The following RSRP1 variants were observed in gnomAD, a reference collection of about 807,000 sequenced individuals.
The protein encoded by RSRP1 is arginine and serine rich protein 1.
A neutral mutation model predicts 33.0 loss-of-function variants in RSRP1; 37 were observed. The ratio of observed to expected loss-of-function variants is 1.12; its 90% CI spans 0.86 to 1.48. The LOEUF (loss-of-function observed/expected upper bound fraction) is 1.48, where lower values mean the gene tolerates loss of function less well. Among genes scored for constraint, RSRP1 ranks in the 40% most tolerant of loss-of-function variants. RSRP1 has a pLI of 0.00. For missense variants in RSRP1, 402 were observed against 385.3 expected (o/e 1.04, Z -0.36); for synonymous variants, 167 against 158.7 (o/e 1.05, Z -0.40).
chr1:25,299,515 C>T lies in RSRP1; in HGVS notation c.-67+38463G>A, dbSNP rs1161827577. ...GGGTGGACTACTCCCTCCACCCTGCCCTTGTTACACCCTGGCTGGGGGTCA... is the reference window on the plus strand; with the variant it reads ...GGGTGGACTACTCCCTCCACCCTGCTCTTGTTACACCCTGGCTGGGGGTCA... On this transcript the variant is annotated intron_variant, in intron 1 of 1. Coordinates refer to the RSRP1 transcript ENST00000561867. Among the ~76,000 whole-genome samples the T allele has an allele frequency of 9.9e-5, 13 of 131,730 alleles. 2 individuals carry two copies. Among genetic ancestry groups the T allele is most frequent in the Non-Finnish European group, 2.0e-4 (11 of 55,754 alleles). The allele number at this position is 131,730 out of a possible 152,430, so 86.4% of individuals were successfully genotyped here.
At position 25,246,571 on chromosome 1, in the gene RSRP1, G is replaced by T. The variant is rs766483226; in HGVS notation, c.393C>A (p.Tyr131Ter). 12 of 1,614,222 alleles carry T rather than the reference G, an allele frequency of 7.4e-6. 1 individual carries two copies. The South Asian group carries it at 1.2e-4, about 16-fold the overall frequency. Reference sequence around the variant, plus strand: ...AGTAGCGCTGTCCCCGCGCGATCGCGTACGCCCTTCCGCAGTACGACCTTC... The same window carrying T: ...AGTAGCGCTGTCCCCGCGCGATCGCTTACGCCCTTCCGCAGTACGACCTTC... ...SRGRSYCGRA[Y>*]AIARGQRYYG... Residue 131 changes from tyrosine (Y) to a stop codon, truncating the protein, a stop_gained, in exon 2 of 5, where the codon TAC becomes TAA. Coordinates refer to ENST00000243189, the MANE Select transcript of RSRP1 (RefSeq NM_020317.5). LOFTEE classifies it high-confidence loss of function.
At chr1:25,252,770 G>C (rs573960768) in intron 1 of RSRP1, among the ~76,000 whole-genome samples, 48 of 152,060 alleles carry the variant, frequency 3.2e-4, no homozygotes, top group Non-Finnish European at 5.9e-4. Context: ...TCTGACCTCA[G>C]GTGATCCGCC....
intron 1 of RSRP1, chr1:25,306,998 G>C: frequency 2.5e-6 from 1 of 407,534 alleles, no homozygotes; most frequent in Non-Finnish European, 5.0e-6. Context: ...CACAAACACA[G>C]AGCAGGTCAA....
rs1160426220 is a variant in RSRP1 at position 25,246,854 on chromosome 1, C to A, written c.110G>T (p.Arg37Leu). 12 of 1,612,606 alleles carry A rather than the reference C, an allele frequency of 7.4e-6. No individual in the cohort carries two copies. The highest frequency in any genetic ancestry group is 4.5e-5 in the East Asian group (2 of 44,880). ...GGACCGAGAGCTTCTGGAAAAAGAG[C>A]GGCTCCTAGACCGCGACGACAGCCG... Reference protein sequence around the residue: ...SSRLSSRSRSRSFSRSSRSHS... With the variant: ...SSRLSSRSRSLSFSRSSRSHS... Residue 37 changes from arginine (R) to leucine (L), a missense_variant, in exon 2 of 5, where the codon CGC becomes CTC. By Grantham distance (102) the Arg-to-Leu change is moderately radical. Coordinates refer to ENST00000243189, the MANE Select transcript of RSRP1 (RefSeq NM_020317.5).
chr1:25,287,476 C>CCTT (rs1642133241), intron 1 of RSRP1, among the ~76,000 whole-genome samples: 1 of 135,094 alleles, frequency 7.4e-6, no homozygotes, highest in African/African-American at 2.6e-5. Context: ...CTGACCGGTT[C>CCTT]CCGTCAGGGC....
chr1:25,282,428 T>A (rs1641568583), intron 1 of RSRP1, among the ~76,000 whole-genome samples: 1 of 129,878 alleles, frequency 7.7e-6, no homozygotes, highest in South Asian at 2.4e-4. Flanking sequence ...AGAGACGGGG[T>A]TTCACCATGT....
chr1:25,251,374 T>C (rs1026366592), upstream of RSRP1, among the ~76,000 whole-genome samples: 1 of 152,154 alleles, frequency 6.6e-6, no homozygotes, highest in Non-Finnish European at 1.5e-5. Context: ...GTTTTCCTTT[T>C]TTTTTTCTTT....
At chr1:25,257,347 A>G (rs556086729) in intron 1 of RSRP1, among the ~76,000 whole-genome samples, 43 of 152,244 alleles carry the variant, frequency 2.8e-4, no homozygotes, top group African/African-American at 9.1e-4. Flanking sequence ...TTCTTACTCT[A>G]CCCCAGCATT....
chr1:25,244,968 G>C, intron 3 of RSRP1, 182 bp downstream of exon 3: 1 of 1,468,440 alleles, frequency 6.8e-7, no homozygotes, highest in Non-Finnish European at 9.0e-7. Flanking sequence ...GCCAAATAAA[G>C]CTCATTAATC....
chr1:25,268,413 G>C (rs1339765519), intron 1 of RSRP1, among the ~76,000 whole-genome samples: 1 of 131,264 alleles, frequency 7.6e-6, no homozygotes, highest in African/African-American at 2.6e-5. Flanking sequence ...CAGCTACTTG[G>C]GAGGCTGAGG....
chr1:25,296,351 A>G (rs1339025644), intron 1 of RSRP1, among the ~76,000 whole-genome samples: 1 of 124,032 alleles, frequency 8.1e-6, no homozygotes, highest in African/African-American at 2.7e-5. Flanking sequence ...GATTCAAGCA[A>G]TTCTTGTGCC....
At chr1:25,296,311 A>G (rs1642955745) in intron 1 of RSRP1, among the ~76,000 whole-genome samples, 1 of 121,326 alleles carries the variant, frequency 8.2e-6, no homozygotes, top group Admixed American at 8.0e-5. Context: ...CGGTGGTGTG[A>G]TCTCGGCTCA....
In RSRP1 at chr1:25,298,809, A is replaced by G. The variant is rs1327194880; in HGVS notation, c.-67+39169T>C. On this transcript the variant is annotated intron_variant, in intron 1 of 1. Transcript: ENST00000561867. Reference sequence around the variant, plus strand: ...ATAAACAATAAAATAGGCAAAAGATATAGCATGTTAGAGAGTGGTAAGTAC... The same window carrying G: ...ATAAACAATAAAATAGGCAAAAGATGTAGCATGTTAGAGAGTGGTAAGTAC... Among the ~76,000 whole-genome samples, 2 of 131,160 alleles carry G rather than the reference A, an allele frequency of 1.5e-5. 1 individual carries two copies. Among genetic ancestry groups the G allele is most frequent in the African/African-American group, 5.3e-5 (2 of 38,084 alleles). 86.0% of individuals were successfully genotyped at this position (131,160 alleles called of 152,430 possible).
At chr1:25,321,365 A>T (rs1363173658) in intron 1 of RSRP1, among the ~76,000 whole-genome samples, 2 of 124,998 alleles carry the variant, frequency 1.6e-5, no homozygotes, top group Non-Finnish European at 3.8e-5. Flanking sequence ...AAAAAAAAAA[A>T]TGTCTACAGA....
At position 25,286,513 on chromosome 1, in the gene RSRP1, G is replaced by A. The variant is rs532499389; in HGVS notation, c.-66-39484C>T. On this transcript the variant is annotated intron_variant, in intron 1 of 1. Coordinates refer to the RSRP1 transcript ENST00000561867. ...CAAAAAACAGTTTTAGGGGCCGGGCGCAGTGGTTCATGCCTGTAATCCCAG... is the reference window on the plus strand; with the variant it reads ...CAAAAAACAGTTTTAGGGGCCGGGCACAGTGGTTCATGCCTGTAATCCCAG... Among the ~76,000 whole-genome samples, 27 of 135,058 alleles carry A rather than the reference G, an allele frequency of 2.0e-4. 4 individuals carry two copies. The highest frequency in any genetic ancestry group is 8.8e-4 in the South Asian group (4 of 4,540). The allele number at this position is 135,058 out of a possible 152,430, so 88.6% of individuals were successfully genotyped here.
rs1473911008 is a variant in RSRP1 at position 25,291,258 on chromosome 1, C to T, written c.-66-44229G>A. Among the ~76,000 whole-genome samples, 13 of 130,702 alleles carry T rather than the reference C, an allele frequency of 9.9e-5. 3 individuals are homozygous for T. The highest frequency in any genetic ancestry group is 6.7e-4 in the Admixed American group (9 of 13,450). The allele number at this position is 130,702 out of a possible 152,430, so 85.7% of individuals were successfully genotyped here. A position where few individuals can be genotyped will look rare whatever the true frequency, so the allele number is the denominator to read the frequency against. On this transcript the variant is annotated intron_variant, in intron 1 of 1. Transcript: ENST00000561867. ...CCAAGGAGGGCAGATCACCTGAGGT[C>T]AGGAGTTCAAGACCAGCCTGGTCAA...
At chr1:25,284,908 C>T in intron 1 of RSRP1, 3 of 1,050,970 alleles carry the variant, frequency 2.9e-6, no homozygotes, top group Non-Finnish European at 4.2e-6. Flanking sequence ...AAAGATTATT[C>T]ATTGTTTAAA....
chr1:25,272,937 T>A (rs1409133899), intron 1 of RSRP1, among the ~76,000 whole-genome samples: 7 of 132,136 alleles, frequency 5.3e-5, no homozygotes, highest in Non-Finnish European at 1.1e-4. Context: ...GTGAGAGGCA[T>A]CCTCTTTGGT....
In RSRP1 at chr1:25,287,419, C is replaced by T. The variant is rs1350060091; in HGVS notation, c.-66-40390G>A. 1.5e-5 allele frequency among the ~76,000 whole-genome samples: 2 copies of T among 135,430 alleles called. 1 individual carries two copies. Among genetic ancestry groups the T allele is most frequent in the African/African-American group, 5.1e-5 (2 of 39,306 alleles). 88.8% of individuals were successfully genotyped at this position (135,430 alleles called of 152,430 possible). A position where few individuals can be genotyped will look rare whatever the true frequency, so the allele number is the denominator to read the frequency against. ...GTGAACTCCCCTGCCCCACCCCTGA[C>T]TGCTTGGATCCCCCTAGGGGTGACC... On this transcript the variant is annotated intron_variant, in intron 1 of 1. Coordinates refer to the RSRP1 transcript ENST00000561867.
Sources: gnomAD v4.1 joint callset for allele counts (sites outside exome capture counted in the v4.1 genomes callset) on GRCh38, gnomAD v4.1.1 for gene constraint, MANE v1.5 for transcripts, NCBI Gene and HGNC (gene_info 2026-07-23, HGNC 2026-07-21) for gene names.